ADGRG1: variants seen among roughly 807,000 people sequenced by gnomAD.
ADGRG1 encodes adhesion G protein-coupled receptor G1, also known as 7-transmembrane protein with no EGF-like N-terminal domains-1.
A neutral mutation model predicts 73.5 loss-of-function variants in ADGRG1; 53 were observed. The observed-to-expected ratio is 0.72, with a 90% CI of 0.58 to 0.91. ADGRG1 has a LOEUF of 0.91. ADGRG1 is among the 40% of genes least tolerant of loss of function. ADGRG1 has a pLI of 0.00. For synonymous variants in ADGRG1, 394 were observed against 374.4 expected, an observed-to-expected ratio of 1.05 and a Z score of -0.60; for missense variants, 795 against 871.8, an observed-to-expected ratio of 0.91 and a Z score of 1.11.
At chr16:57,620,428 T>G (rs1166719059), upstream of ADGRG1, among the ~76,000 whole-genome samples, 1 of 152,164 alleles carries the variant, frequency 6.6e-6, no homozygotes. Context: ...CAACGGACAC[T>G]GCAGGACGCA....
Position 57,636,293 on chromosome 16 carries a change from T to C in ADGRG1, c.-36+7491T>C, listed in dbSNP as rs551956870. The C allele has an allele frequency of 4.1e-6, 4 of 985,280 alleles. No individual in the cohort carries two copies. In the East Asian group the frequency reaches 3.4e-4, roughly 84 times the overall value. The allele number at this position is 985,280 out of a possible 1,614,324, so 61.0% of individuals were successfully genotyped here. On this transcript the variant is annotated intron_variant, in intron 1 of 13. Coordinates refer to ENST00000562631, the MANE Select transcript of ADGRG1 (RefSeq NM_201525.4). Reference sequence around the variant, plus strand: ...ACAGATTCAGATGGAATCTCAGACATCTTCTAATCCAGCAGCCATTAAAGC... The same window carrying C: ...ACAGATTCAGATGGAATCTCAGACACCTTCTAATCCAGCAGCCATTAAAGC...
At chr16:57,644,242 G>GCA in intron 1 of ADGRG1, 4 of 939,324 alleles carry the variant, frequency 4.3e-6, no homozygotes, top group Non-Finnish European at 5.1e-6. Context: ...ACACACTCAT[G>GCA]CACACACATG....
intron 1 of ADGRG1, chr16:57,629,066 G>A: frequency 1.7e-6 from 1 of 582,750 alleles, no homozygotes; most frequent in Non-Finnish European, 2.2e-6. Flanking sequence ...GTATGAGTGT[G>A]AGTGTGAGTG....
In ADGRG1 at chr16:57,637,242, G is replaced by A. The variant is rs541632792; in HGVS notation, c.-36+8440G>A. 3,211 of 870,128 alleles carry A rather than the reference G, an allele frequency of 3.7e-3. 10 individuals carry two copies. The highest frequency in any genetic ancestry group is 4.2e-3 in the Non-Finnish European group (3,080 of 724,794). The allele number at this position is 870,128 out of a possible 1,614,324, so 53.9% of individuals were successfully genotyped here. On this transcript the variant is annotated intron_variant, in intron 1 of 13. Transcript: ENST00000562631. ...AATGAGCTTCATCATTTCAGTCCCC[G>A]CCCCGACCCTGGTCGGGAATGTTGT...
At chr16:57,651,955 G>T in intron 3 of ADGRG1, 1 of 1,297,218 alleles carries the variant, frequency 7.7e-7, no homozygotes, top group South Asian at 1.7e-5. Flanking sequence ...AGAGAGCAGA[G>T]ACTGGAAAGG....
intron 1 of ADGRG1, chr16:57,635,993 T>A: frequency 1.0e-6 from 1 of 985,372 alleles, no homozygotes; most frequent in Non-Finnish European, 1.2e-6. Flanking sequence ...CTCTGCAGAC[T>A]AGTCCTCGGG....
intron 1 of ADGRG1, chr16:57,633,301 A>G (rs1257719480): frequency 1.0e-6 from 1 of 983,782 alleles, no homozygotes; most frequent in Non-Finnish European, 1.2e-6. Context: ...TCATGGGCTC[A>G]TTGACTTAGG....
intron 2 of ADGRG1, chr16:57,650,998 G>A (rs1034949823): frequency 3.6e-5 from 35 of 976,608 alleles, no homozygotes; most frequent in African/African-American, 5.3e-5. Flanking sequence ...GTGAGCCACC[G>A]CGCCCGGCCT....
intron 1 of ADGRG1, chr16:57,639,858 GGT>G (rs1336276012): frequency 2.6e-5 from 25 of 966,738 alleles, no homozygotes; most frequent in Non-Finnish European, 3.0e-5. Flanking sequence ...CAGCATTGAT[GGT>G]GTAGCCAGTG....
At chr16:57,650,736 T>G (rs1323985510) in intron 2 of ADGRG1, among the ~76,000 whole-genome samples, 3 of 129,038 alleles carry the variant, frequency 2.3e-5, no homozygotes, top group African/African-American at 9.5e-5. Context: ...TGAGACGGAG[T>G]CTTGCTCTGT....
intron 1 of ADGRG1, chr16:57,635,358 G>A (rs924192700): frequency 2.0e-6 from 2 of 985,300 alleles, no homozygotes; most frequent in South Asian, 4.7e-5. Context: ...AGGTGCACAC[G>A]GTCTGTCCTC....
intron 1 of ADGRG1, chr16:57,630,654 TACAA>T (rs759383902): frequency 7.1e-5 from 29 of 408,874 alleles, no homozygotes; most frequent in East Asian, 1.6e-4. Context: ...TTGTCAGGGA[TACAA>T]ACAAACAAAC....
intron 1 of ADGRG1, 40 bp downstream of exon 1, chr16:57,628,842 TAGTGTGAGTGTGAG>T (rs1488101531): frequency 5.2e-6 from 5 of 969,280 alleles, no homozygotes; most frequent in Non-Finnish European, 4.9e-6. Flanking sequence ...GGAAGGGGAA[TAGTGTGAGTGTGAG>T]AGTGTGAGTG....
chr16:57,660,293 C>G, intron 11 of ADGRG1: 2 of 985,174 alleles, frequency 2.0e-6, no homozygotes, highest in Non-Finnish European at 2.4e-6. Flanking sequence ...TCCATTCCCC[C>G]ATTTGCATGA....
At chr16:57,635,562 C>A in intron 1 of ADGRG1, 1 of 985,410 alleles carries the variant, frequency 1.0e-6, no homozygotes, top group Non-Finnish European at 1.2e-6. Flanking sequence ...GAGTCAGAAC[C>A]TTTAGTGATT....
At chr16:57,638,552 C>T (rs2039939326) in intron 1 of ADGRG1, among the ~76,000 whole-genome samples, 2 of 152,154 alleles carry the variant, frequency 1.3e-5, no homozygotes, top group East Asian at 3.8e-4. Flanking sequence ...AAGGGGGATT[C>T]TTGGTAGGCT....
chr16:57,642,485 T>C (rs2041100829), intron 1 of ADGRG1: 1 of 985,212 alleles, frequency 1.0e-6, no homozygotes. Context: ...TGAGAGCTTT[T>C]TTCCATGTGG....
intron 13 of ADGRG1, chr16:57,663,242 A>G: frequency 2.4e-6 from 2 of 844,076 alleles, no homozygotes; most frequent in Non-Finnish European, 2.9e-6. Context: ...GGGCCTAGGA[A>G]GTTTGTGACA....
intron 1 of ADGRG1, among the ~76,000 whole-genome samples, chr16:57,644,471 CACACACACCCAT>C (rs2041802312): frequency 6.7e-6 from 1 of 149,564 alleles, no homozygotes; most frequent in Non-Finnish European, 1.5e-5. Flanking sequence ...CATGCACGGG[CACACACACCCAT>C]GCACACACAT....
Sources: allele counts gnomAD v4.1 joint callset (sites outside exome capture counted in the v4.1 genomes callset), GRCh38; gene constraint gnomAD v4.1.1; transcripts MANE v1.5; gene names NCBI Gene and HGNC (gene_info 2026-07-23, HGNC 2026-07-21).